The following TAX1BP1 variants were observed in gnomAD, a reference collection of about 807,000 sequenced individuals.
TAX1BP1 encodes tax1-binding protein 1.
In TAX1BP1, 62 loss-of-function variants were observed where a neutral mutation model predicts 97.7. That is an observed-to-expected ratio of 0.63 (90% CI 0.52 to 0.78). The LOEUF (loss-of-function observed/expected upper bound fraction) is 0.78, where lower values mean the gene tolerates loss of function less well. Among genes scored for constraint, TAX1BP1 ranks in the 30% least tolerant of loss-of-function variants. The pLI, the probability that TAX1BP1 is intolerant of heterozygous loss-of-function variation, is 0.00. For synonymous variants in TAX1BP1, 340 were observed against 304.2 expected, an observed-to-expected ratio of 1.12 and a Z score of -1.23; for missense variants, 867 against 916.1, an observed-to-expected ratio of 0.95 and a Z score of 0.69.
chr7:27,758,339 T>G (rs1788303784), intron 3 of TAX1BP1: 5 of 363,100 alleles, frequency 1.4e-5, no homozygotes, highest in Non-Finnish European at 2.5e-5. Context: ...AAGTTATTGG[T>G]TGTTGTCTTA....
rs565079548 is a variant in TAX1BP1 at position 27,822,787 on chromosome 7, T to C, written c.2086-4951T>C. ...TGGTGCTCTTTGCAGCACAAAACTT[T>C]TTAGTTTTAGTGAAGCTGAATTTAT... is the stretch of plus-strand genomic sequence containing the variant. On this transcript the variant is annotated intron_variant, in intron 15 of 16. Transcript: ENST00000396319. Among the ~76,000 whole-genome samples, 7 of 152,340 alleles carry C rather than the reference T, an allele frequency of 4.6e-5. No homozygotes were observed. The East Asian group carries it at 1.4e-3, about 29-fold the overall frequency.
intron 2 of TAX1BP1, among the ~76,000 whole-genome samples, 156 bp from the exon 3 acceptor site, chr7:27,757,875 A>G (rs1583673141): frequency 6.6e-6 from 1 of 152,176 alleles, no homozygotes; most frequent in African/African-American, 2.4e-5. Context: ...AGTTTAATTT[A>G]GAAATAATTT....
At chr7:27,784,142 T>A (rs1421778609) in intron 5 of TAX1BP1, among the ~76,000 whole-genome samples, 2 of 152,202 alleles carry the variant, frequency 1.3e-5, no homozygotes, top group African/African-American at 4.8e-5. Context: ...AAATACTATA[T>A]AATCTTTCAT....
At chr7:27,788,728 T>A (rs951127308) in intron 8 of TAX1BP1, among the ~76,000 whole-genome samples, 2 of 152,054 alleles carry the variant, frequency 1.3e-5, no homozygotes, top group Non-Finnish European at 2.9e-5. Flanking sequence ...GTTCCTATAA[T>A]GCTTTGAATA....
chr7:27,806,783 C>G lies in TAX1BP1; in HGVS notation c.1764+6693C>G, dbSNP rs542866321. The stretch of plus-strand genomic sequence containing the variant: ...AATTTTAGTACCAACTTTTCTAGCT[C>G]TAGAAATGATTGTTGGTGTTTTTAT... On this transcript the variant is annotated intron_variant, in intron 13 of 16. Transcript: ENST00000396319. Among the ~76,000 whole-genome samples, 9 of 152,152 alleles carry G rather than the reference C, an allele frequency of 5.9e-5. No individual in the cohort carries two copies. The South Asian group carries it at 1.9e-3, about 32-fold the overall frequency.
chr7:27,792,944 A>G, intron 9 of TAX1BP1, 122 bp from the exon 10 acceptor site: 1 of 844,166 alleles, frequency 1.2e-6, no homozygotes, highest in Non-Finnish European at 1.8e-6. Context: ...CCTGGGTGAC[A>G]GAGCAAGACT....
In TAX1BP1 at chr7:27,793,173, A is replaced by G. The variant is rs759055909; in HGVS notation, c.1371A>G (p.Gln457=). The G allele has an allele frequency of 1.2e-5, 19 of 1,592,522 alleles. No individual in the cohort carries two copies. Among genetic ancestry groups the G allele is most frequent in the Non-Finnish European group, 1.6e-5 (19 of 1,175,370 alleles). The change falls in exon 10 of 17, where the codon CAA becomes CAG. Residue 457 remains glutamine, a synonymous_variant. Transcript: ENST00000396319. ...DHYKEKFKEC[Q]RLQKQINKLS... ...ATAAAGAAAAATTTAAGGAATGCCAAAGGCTCCAAAAACAAATAAACAAAC... is the reference window on the plus strand; with the variant it reads ...ATAAAGAAAAATTTAAGGAATGCCAGAGGCTCCAAAAACAAATAAACAAAC...
intron 1 of TAX1BP1, among the ~76,000 whole-genome samples, chr7:27,742,467 G>A (rs1583658099): frequency 1.3e-5 from 2 of 152,184 alleles, no homozygotes; most frequent in South Asian, 2.1e-4. Flanking sequence ...CACAGCACAT[G>A]TTTCAGAGAG....
chr7:27,782,151 C>T (rs1789282649), intron 5 of TAX1BP1, among the ~76,000 whole-genome samples: 1 of 152,072 alleles, frequency 6.6e-6, no homozygotes. Flanking sequence ...CAAACATGTA[C>T]AGCTGTGCAA....
At position 27,766,129 on chromosome 7, in the gene TAX1BP1, C is replaced by T. The variant is rs571655800; in HGVS notation, c.453+108C>T. The stretch of plus-strand genomic sequence containing the variant: ...GTTATGTGAGAGTTGCCACAAAAAT[C>T]GAATGCTTTGGCTGGGCGCAGTGGC... On this transcript the variant is annotated intron_variant, in intron 4 of 16. Transcript: ENST00000396319. 2.2e-5 allele frequency: 26 copies of T among 1,204,148 alleles called. No individual in the cohort carries two copies. In the East Asian group the frequency reaches 3.6e-4, roughly 17 times the overall value. 74.6% of individuals were successfully genotyped at this position (1,204,148 alleles called of 1,614,324 possible).
intron 1 of TAX1BP1, among the ~76,000 whole-genome samples, chr7:27,744,627 T>G (rs891895568): frequency 1.3e-5 from 2 of 152,172 alleles, no homozygotes; most frequent in Non-Finnish European, 2.9e-5. Context: ...TATTTTTCAG[T>G]AAGTTCACTA....
chr7:27,796,775 C>T (rs1403406881), intron 12 of TAX1BP1, among the ~76,000 whole-genome samples: 5 of 151,806 alleles, frequency 3.3e-5, no homozygotes, highest in Non-Finnish European at 7.4e-5. Context: ...GCAGGAGAAT[C>T]ACTTGAACCC....
intron 3 of TAX1BP1, among the ~76,000 whole-genome samples, chr7:27,759,845 T>C (rs142608321): frequency 1.3e-5 from 2 of 152,162 alleles, no homozygotes; most frequent in African/African-American, 4.8e-5. Context: ...AATTTTAAAA[T>C]TTTGTAAATC....
intron 5 of TAX1BP1, among the ~76,000 whole-genome samples, chr7:27,780,333 T>A (rs1201152717): frequency 6.6e-6 from 1 of 152,254 alleles, no homozygotes; most frequent in Non-Finnish European, 1.5e-5. Context: ...TATTGGAAAG[T>A]TGAAATCATT....
intron 13 of TAX1BP1, among the ~76,000 whole-genome samples, chr7:27,802,071 G>A (rs550709673): frequency 6.6e-6 from 1 of 152,194 alleles, no homozygotes; most frequent in Non-Finnish European, 1.5e-5. Flanking sequence ...AGTGGAGCGC[G>A]TAGTCTGCGA....
chr7:27,759,280 G>A (rs1788338534), intron 3 of TAX1BP1, among the ~76,000 whole-genome samples: 1 of 152,080 alleles, frequency 6.6e-6, no homozygotes, highest in African/African-American at 2.4e-5. Context: ...AAATCTGTGT[G>A]TTAACAAGAT....
At chr7:27,747,780 G>A (rs574747309) in intron 1 of TAX1BP1, among the ~76,000 whole-genome samples, 3 of 148,624 alleles carry the variant, frequency 2.0e-5, no homozygotes, top group Non-Finnish European at 4.5e-5. Context: ...GCGATGTAGG[G>A]GCAGGGCTAT....
intron 13 of TAX1BP1, among the ~76,000 whole-genome samples, chr7:27,800,530 A>G (rs1342236097): frequency 1.3e-5 from 2 of 152,054 alleles, no homozygotes; most frequent in African/African-American, 2.4e-5. Context: ...CAGCCTGGGC[A>G]ACATAGGGAG....
intron 8 of TAX1BP1, among the ~76,000 whole-genome samples, chr7:27,789,468 TTA>T (rs1789617062): frequency 6.6e-6 from 1 of 151,978 alleles, no homozygotes; most frequent in South Asian, 2.1e-4. Context: ...TAGTTTATTC[TTA>T]TGTTTCTTTT....
Sources: allele counts gnomAD v4.1 joint callset (sites outside exome capture counted in the v4.1 genomes callset), GRCh38; gene constraint gnomAD v4.1.1; transcripts MANE v1.5; gene names NCBI Gene and HGNC (gene_info 2026-07-23, HGNC 2026-07-21).